Variants in NINJ2 observed in about 807,000 individuals in gnomAD.
NINJ2 encodes the protein ninjurin-2.
A neutral mutation model predicts 11.7 loss-of-function variants in NINJ2; 12 were observed. The observed-to-expected ratio is 1.02, with a 90% CI of 0.66 to 1.66. The LOEUF (loss-of-function observed/expected upper bound fraction) is 1.66. Among genes scored for constraint, NINJ2 ranks in the 40% most tolerant of loss-of-function variants. The probability of loss-of-function intolerance (pLI) is 0.00; values close to 1 mark genes in which losing one functional copy is unlikely to be tolerated. For missense variants in NINJ2, 187 were observed against 181.8 expected (o/e 1.03, Z -0.16); for synonymous variants, 93 against 76.8 (o/e 1.21, Z -1.10).
At chr12:626,019 G>A (rs1002825525) in intron 1 of NINJ2, among the ~76,000 whole-genome samples, 1 of 152,158 alleles carries the variant, frequency 6.6e-6, no homozygotes, top group Non-Finnish European at 1.5e-5. Context: ...TTAAATTTAG[G>A]AGAATCATTC....
At chr12:645,188 G>C (rs1274479955) in intron 1 of NINJ2, 2 of 152,216 alleles carry the variant, frequency 1.3e-5, no homozygotes, top group East Asian at 3.8e-4. Context: ...GAAGGCAAAT[G>C]ATGTTACAGT....
intron 1 of NINJ2, among the ~76,000 whole-genome samples, chr12:641,864 C>G (rs924376088): frequency 9.8e-4 from 141 of 143,998 alleles, no homozygotes; most frequent in African/African-American, 3.5e-3. Flanking sequence ...AAAAAAAAAG[C>G]AGGCTGTAAG....
chr12:611,127 G>C (rs1457536588), intron 1 of NINJ2, among the ~76,000 whole-genome samples: 1 of 152,172 alleles, frequency 6.6e-6, no homozygotes, highest in Non-Finnish European at 1.5e-5. Context: ...AGTTACGATA[G>C]AGGAAGAGGC....
intron 1 of NINJ2, among the ~76,000 whole-genome samples, chr12:598,219 C>T (rs981605433): frequency 1.3e-5 from 2 of 152,168 alleles, no homozygotes; most frequent in South Asian, 4.1e-4. Flanking sequence ...TTCTGGTATG[C>T]GCAAGGATGT....
At chr12:574,148 G>A (rs771724387) in intron 1 of NINJ2, among the ~76,000 whole-genome samples, 32 of 152,002 alleles carry the variant, frequency 2.1e-4, no homozygotes, top group Non-Finnish European at 4.1e-4. Context: ...TTGAACCTGG[G>A]AAGGCAGAGG....
chr12:634,723 G>A (rs544409072), intron 1 of NINJ2, among the ~76,000 whole-genome samples: 2 of 152,186 alleles, frequency 1.3e-5, no homozygotes, highest in South Asian at 4.1e-4. Context: ...AAAATAAAAT[G>A]TTTGCCCAAC....
At chr12:661,834 C>CTGA (rs1937961854) in intron 1 of NINJ2, among the ~76,000 whole-genome samples, 1 of 152,228 alleles carries the variant, frequency 6.6e-6, no homozygotes, top group African/African-American at 2.4e-5. Context: ...CTCTCCAACT[C>CTGA]ATGGCTTCCT....
At chr12:568,065 T>C (rs1275590418) in intron 1 of NINJ2, among the ~76,000 whole-genome samples, 3 of 152,168 alleles carry the variant, frequency 2.0e-5, no homozygotes, top group Non-Finnish European at 4.4e-5. Context: ...TTCTTGATAG[T>C]GTAATCTCAG....
intron 1 of NINJ2, among the ~76,000 whole-genome samples, chr12:611,283 T>TTTCTTTCTCTCTC (rs1565635042): frequency 5.5e-4 from 82 of 150,304 alleles, no homozygotes; most frequent in African/African-American, 1.9e-3. Flanking sequence ...CTCTCTCTCT[T>TTTCTTTCTCTCTC]TCTTTCTCTT....
At chr12:579,896 C>G (rs576672537) in intron 1 of NINJ2, among the ~76,000 whole-genome samples, 2 of 152,322 alleles carry the variant, frequency 1.3e-5, no homozygotes, top group South Asian at 2.1e-4. Context: ...AGATCTGTCT[C>G]AGTCACGTTT....
At chr12:602,744 T>A (rs559654692) in intron 1 of NINJ2, among the ~76,000 whole-genome samples, 18 of 152,324 alleles carry the variant, frequency 1.2e-4, no homozygotes, top group African/African-American at 3.8e-4. Context: ...TTCCAGTTTC[T>A]CCTCATCCTT....
At chr12:575,634 G>A (rs890754317) in intron 1 of NINJ2, among the ~76,000 whole-genome samples, 2 of 152,266 alleles carry the variant, frequency 1.3e-5, no homozygotes, top group East Asian at 1.9e-4. Flanking sequence ...TTTAGCACAC[G>A]GACCCCATCT....
chr12:649,658 G>A (rs1937758667), intron 1 of NINJ2, among the ~76,000 whole-genome samples: 1 of 150,988 alleles, frequency 6.6e-6, no homozygotes, highest in Non-Finnish European at 1.5e-5. Context: ...ATATGGGTTA[G>A]TAGAAAATGT....
At chr12:609,788 T>C (rs200440197) in intron 1 of NINJ2, among the ~76,000 whole-genome samples, 9 of 64,704 alleles carry the variant, frequency 1.4e-4, no homozygotes, top group African/African-American at 5.1e-4. Flanking sequence ...AAAAAAAAAA[T>C]AGGGAAAACA....
intron 1 of NINJ2, among the ~76,000 whole-genome samples, chr12:624,462 C>G (rs1948188880): frequency 6.6e-6 from 1 of 152,120 alleles, no homozygotes; most frequent in Non-Finnish European, 1.5e-5. Context: ...TTTCAAGGAG[C>G]TTGCCGTCTA....
rs1043858254 is a variant in NINJ2, at chr12:640,940, T to C, written c.33+22388A>G. On this transcript the variant is annotated intron_variant, in intron 1 of 3. Coordinates refer to ENST00000305108, the MANE Select transcript of NINJ2 (RefSeq NM_016533.6). This position sits in a 1 kb window ranked among gnomAD's most constrained non-coding sequence, Gnocchi z 4.0. ...ACTCCTAACTTCAGTCCCGGAAGAA[T>C]GGAAGGAAGGCTGCAACTTAAGAGA... 2.6e-5 allele frequency: 4 copies of C among 152,230 alleles called. No homozygotes were observed. The highest frequency in any genetic ancestry group is 7.2e-5 in the African/African-American group (3 of 41,418). The allele number at this position is 152,230 out of a possible 1,614,324, so 9.4% of individuals were successfully genotyped here. A position where few individuals can be genotyped will look rare whatever the true frequency, so the allele number is the denominator to read the frequency against.
chr12:570,132 C>G (rs527307300), intron 1 of NINJ2, among the ~76,000 whole-genome samples: 5 of 152,314 alleles, frequency 3.3e-5, no homozygotes, highest in Non-Finnish European at 4.4e-5. Context: ...GAGAATCAAC[C>G]GAAGCTGAAA....
intron 1 of NINJ2, among the ~76,000 whole-genome samples, chr12:587,839 T>C (rs961844600): frequency 7.2e-5 from 11 of 152,202 alleles, no homozygotes; most frequent in Admixed American, 7.2e-4. Context: ...TCCATTAAGC[T>C]GGTTATTTCC....
intron 1 of NINJ2, chr12:643,025 G>A (rs1203778306): frequency 6.6e-6 from 1 of 151,640 alleles, no homozygotes; most frequent in Non-Finnish European, 1.5e-5. Context: ...CGGCGCCCGC[G>A]CATTCCTGCC....
Sources: gnomAD v4.1 joint callset for allele counts (sites outside exome capture counted in the v4.1 genomes callset) on GRCh38, gnomAD v4.1.1 for gene constraint, Gnocchi (gnomAD v3.1) non-coding constraint, MANE v1.5 for transcripts, NCBI Gene and HGNC (gene_info 2026-07-23, HGNC 2026-07-21) for gene names.